NOL10: variants seen among roughly 807,000 people sequenced by gnomAD.
NOL10 encodes the protein nucleolar protein 10.
Under a neutral mutation model 103.5 loss-of-function variants are expected in NOL10, and 58 were observed. The ratio of observed to expected loss-of-function variants is 0.56; its 90% CI spans 0.45 to 0.70. NOL10 has a LOEUF of 0.70. Among genes scored for constraint, NOL10 ranks in the 30% least tolerant of loss-of-function variants. The pLI, the probability that NOL10 is intolerant of heterozygous loss-of-function variation, is 0.00. For missense variants in NOL10, 763 were observed against 807.3 expected, an observed-to-expected ratio of 0.95 and a Z score of 0.67; for synonymous variants, 287 against 282.5, an observed-to-expected ratio of 1.02 and a Z score of -0.16.
chr2:10,642,818 C>T (rs552180313), intron 13 of NOL10, among the ~76,000 whole-genome samples: 1 of 152,298 alleles, frequency 6.6e-6, no homozygotes, highest in South Asian at 2.1e-4. Flanking sequence ...TTCTCATCAG[C>T]TCCTGGGCCC....
chr2:10,659,327 C>G, intron 9 of NOL10, 77 bp from the exon 10 acceptor site: 1 of 530,526 alleles, frequency 1.9e-6, no homozygotes, highest in Non-Finnish European at 3.3e-6. Flanking sequence ...TATTAGTCTT[C>G]ACTTCAAATC....
intron 12 of NOL10, among the ~76,000 whole-genome samples, chr2:10,649,051 A>G (rs1279699223): frequency 6.6e-6 from 1 of 152,184 alleles, no homozygotes; most frequent in Admixed American, 6.5e-5. Flanking sequence ...ATAATATTAG[A>G]AAAGGGCTGC....
intron 13 of NOL10, among the ~76,000 whole-genome samples, chr2:10,624,402 G>A (rs1677334351): frequency 1.3e-5 from 2 of 151,946 alleles, no homozygotes; most frequent in African/African-American, 2.4e-5. Flanking sequence ...AGGGATTTGG[G>A]AGGAATGTCC....
intron 17 of NOL10, among the ~76,000 whole-genome samples, chr2:10,597,474 C>T (rs568437003): frequency 6.6e-6 from 1 of 152,144 alleles, no homozygotes; most frequent in Non-Finnish European, 1.5e-5. Context: ...GCTGATGAGA[C>T]TTAGCAATTC....
intron 6 of NOL10, 26 bp from the exon 7 acceptor site, chr2:10,668,749 A>G (rs1189926462): frequency 1.9e-6 from 2 of 1,029,324 alleles, no homozygotes; most frequent in African/African-American, 1.6e-5. Flanking sequence ...GAAAGTTAAA[A>G]ACCTGCTAAA....
At chr2:10,671,200 C>G (rs750533284) in intron 6 of NOL10, among the ~76,000 whole-genome samples, 11 of 152,102 alleles carry the variant, frequency 7.2e-5, no homozygotes, top group African/African-American at 2.4e-4. Context: ...AATACTATGT[C>G]TCATAAATTG....
At chr2:10,611,934 CAAAACA>C (rs561568151) in intron 13 of NOL10, among the ~76,000 whole-genome samples, 65 of 151,640 alleles carry the variant, frequency 4.3e-4, no homozygotes, top group African/African-American at 1.4e-3. Context: ...AAAAACAAAA[CAAAACA>C]AAAACAAAAA....
At chr2:10,633,793 AT>A (rs1678005716) in intron 13 of NOL10, among the ~76,000 whole-genome samples, 2 of 149,248 alleles carry the variant, frequency 1.3e-5, no homozygotes, top group Non-Finnish European at 3.0e-5. Context: ...GTTTATATGT[AT>A]GTGTGTGTGT....
At chr2:10,593,287 G>A (rs1448751401) in intron 17 of NOL10, among the ~76,000 whole-genome samples, 3 of 151,954 alleles carry the variant, frequency 2.0e-5, no homozygotes, top group Non-Finnish European at 4.4e-5. Context: ...TTACAGGCAC[G>A]CGCCACCACG....
chr2:10,579,976 T>C (rs1055200434), intron 19 of NOL10, among the ~76,000 whole-genome samples: 25 of 152,236 alleles, frequency 1.6e-4, no homozygotes, highest in Admixed American at 1.6e-3. Context: ...GTACTTTCAA[T>C]GTGCACTTGT....
intron 12 of NOL10, among the ~76,000 whole-genome samples, chr2:10,650,677 GC>G (rs1370175504): frequency 6.6e-6 from 1 of 152,074 alleles, no homozygotes; most frequent in Non-Finnish European, 1.5e-5. Context: ...GATCGCTCGA[GC>G]CCAGGGGTTC....
At chr2:10,664,732 C>T (rs548517025) in intron 8 of NOL10, among the ~76,000 whole-genome samples, 2 of 152,136 alleles carry the variant, frequency 1.3e-5, no homozygotes, top group Non-Finnish European at 2.9e-5. Flanking sequence ...GAAGAGGTGT[C>T]GCCATGTTGC....
At chr2:10,611,834 G>A (rs1304454257) in intron 13 of NOL10, among the ~76,000 whole-genome samples, 2 of 152,220 alleles carry the variant, frequency 1.3e-5, no homozygotes, top group Non-Finnish European at 2.9e-5. Flanking sequence ...AGAATCGCTT[G>A]AACCCGGGAG....
At chr2:10,650,564 C>T (rs563279654) in intron 12 of NOL10, among the ~76,000 whole-genome samples, 347 of 152,208 alleles carry the variant, frequency 2.3e-3, no homozygotes, top group African/African-American at 8.1e-3. Flanking sequence ...AATTTTTATG[C>T]CATTTTAAAT....
At chr2:10,588,920 C>T in intron 19 of NOL10, 123 bp downstream of exon 19, 1 of 1,412,494 alleles carries the variant, frequency 7.1e-7, no homozygotes. Context: ...CTTCCCTCGT[C>T]CCCTCCACCC....
rs1682522525 is a variant in NOL10, at chr2:10,689,949, C to T, written c.-88G>A. On this transcript the variant is annotated 5_prime_UTR_variant, in exon 1 of 21. Coordinates refer to ENST00000381685, the MANE Select transcript of NOL10 (RefSeq NM_024894.4). The stretch of plus-strand genomic sequence containing the variant: ...TCCCGGGACCTCCGAGCCCCTGCTC[C>T]GCGGCGTGCGGCCGCTGGCGCCGAC... 7.7e-7 allele frequency: 1 copy of T among 1,291,586 alleles called. No individual in the cohort carries two copies. The highest frequency in any genetic ancestry group is 2.2e-5 in the Admixed American group (1 of 45,830). The allele number at this position is 1,291,586 out of a possible 1,614,324, so 80.0% of individuals were successfully genotyped here.
At chr2:10,641,174 C>CAA (rs35267200) in intron 13 of NOL10, among the ~76,000 whole-genome samples, 92 of 99,470 alleles carry the variant, frequency 9.2e-4, no homozygotes, top group African/African-American at 2.3e-3. Flanking sequence ...TACAAAAATA[C>CAA]AAAAAAAAAA....
In NOL10 at chr2:10,604,375, A is replaced by G. The variant is rs115291734; in HGVS notation, c.1154-1218T>C. Among the ~76,000 whole-genome samples, 798 of 152,366 alleles carry G rather than the reference A, an allele frequency of 5.2e-3. 11 individuals are homozygous for G. Among genetic ancestry groups the G allele is most frequent in the African/African-American group, 0.018 (766 of 41,590 alleles). Reference sequence around the variant, plus strand: ...ACTGAGCAAAATCATACAGTAGTATAAAATAGTATATGTTATAGAACAATA... The same window carrying G: ...ACTGAGCAAAATCATACAGTAGTATGAAATAGTATATGTTATAGAACAATA... On this transcript the variant is annotated intron_variant, in intron 14 of 20. Transcript: ENST00000381685.
intron 6 of NOL10, 43 bp downstream of exon 6, chr2:10,671,511 G>T (rs1383359722): frequency 7.0e-7 from 1 of 1,428,762 alleles, no homozygotes; most frequent in Non-Finnish European, 9.2e-7. Context: ...GAAGTTGGTT[G>T]TTTTAGGAGG....
Sources: gnomAD v4.1 joint callset for allele counts (sites outside exome capture counted in the v4.1 genomes callset) on GRCh38, gnomAD v4.1.1 for gene constraint, MANE v1.5 for transcripts, NCBI Gene and HGNC (gene_info 2026-07-23, HGNC 2026-07-21) for gene names.